The following SOX5 variants were observed in gnomAD, a reference collection of about 807,000 sequenced individuals.
The protein encoded by SOX5 is transcription factor SOX-5.
SOX5 carries 9 observed loss-of-function variants against 92.0 expected under a neutral mutation model. That is an observed-to-expected ratio of 0.10 (90% confidence interval 0.06 to 0.17). SOX5 has a LOEUF of 0.17. Among genes scored for constraint, SOX5 ranks in the 10% least tolerant of loss-of-function variants. SOX5 has a pLI of 1.00. For synonymous variants in SOX5, 344 were observed against 336.3 expected, an observed-to-expected ratio of 1.02 and a Z score of -0.25; for missense variants, 642 against 944.5, an observed-to-expected ratio of 0.68 and a Z score of 4.20.
At chr12:24,161,696 C>T (rs952677134) in intron 4 of SOX5, among the ~76,000 whole-genome samples, 3 of 152,142 alleles carry the variant, frequency 2.0e-5, no homozygotes, top group Admixed American at 6.6e-5. Flanking sequence ...ATTTAAAAGT[C>T]ATGGCTCATA....
At chr12:23,607,942 G>C (rs1344669062) in intron 8 of SOX5, among the ~76,000 whole-genome samples, 1 of 151,612 alleles carries the variant, frequency 6.6e-6, no homozygotes, top group East Asian at 1.9e-4. Flanking sequence ...AAACAAACAG[G>C]TGACACTAAA....
intron 4 of SOX5, among the ~76,000 whole-genome samples, chr12:24,147,276 T>C (rs1208422749): frequency 6.6e-6 from 1 of 152,190 alleles, no homozygotes; most frequent in Non-Finnish European, 1.5e-5. Context: ...AATGCAAGGT[T>C]GTTTTAAAAT....
chr12:24,211,709 G>T (rs1339068444), intron 4 of SOX5, among the ~76,000 whole-genome samples: 1 of 152,206 alleles, frequency 6.6e-6, no homozygotes, highest in Non-Finnish European at 1.5e-5. Context: ...CATAGATTTA[G>T]TTCTGTTACT....
At chr12:24,496,943 G>T (rs1193467215) in intron 1 of SOX5, among the ~76,000 whole-genome samples, 3 of 152,174 alleles carry the variant, frequency 2.0e-5, no homozygotes. Context: ...TTCTACAAGC[G>T]CCACTAAGCA....
intron 1 of SOX5, among the ~76,000 whole-genome samples, chr12:23,926,050 A>G (rs1939840426): frequency 6.6e-6 from 1 of 152,090 alleles, no homozygotes. Flanking sequence ...AGTTATCCAT[A>G]ATCAATTTGA....
chr12:23,809,543 C>A (rs1359364737), intron 3 of SOX5, among the ~76,000 whole-genome samples: 1 of 151,232 alleles, frequency 6.6e-6, no homozygotes, highest in Non-Finnish European at 1.5e-5. Context: ...CATTAATGAT[C>A]TGTTTATATT....
chr12:24,389,713 T>C (rs143008725), intron 1 of SOX5, among the ~76,000 whole-genome samples: 2 of 152,326 alleles, frequency 1.3e-5, no homozygotes, highest in Non-Finnish European at 2.9e-5. Flanking sequence ...TGAACACATG[T>C]TTTCATTTTG....
chr12:23,905,588 G>GA (rs1364113330), intron 1 of SOX5, among the ~76,000 whole-genome samples: 1 of 151,920 alleles, frequency 6.6e-6, no homozygotes, highest in Non-Finnish European at 1.5e-5. Context: ...TAAAACAGAA[G>GA]AAAAAATACT....
intron 4 of SOX5, among the ~76,000 whole-genome samples, chr12:23,968,687 T>A (rs560547607): frequency 1.1e-4 from 16 of 152,346 alleles, no homozygotes; most frequent in Admixed American, 3.9e-4. Context: ...GTCTTGGATA[T>A]TCTGTTACAG....
intron 6 of SOX5, among the ~76,000 whole-genome samples, chr12:23,706,854 C>T (rs1262654723): frequency 2.0e-5 from 3 of 151,706 alleles, no homozygotes; most frequent in African/African-American, 4.8e-5. Flanking sequence ...GCTAATCCAA[C>T]GTTATTATAA....
chr12:23,533,224 T>TATTA lies in SOX5; in HGVS notation c.*991_*994dup, dbSNP rs1565569490. The TATTA allele has an allele frequency of 2.2e-6, 1 of 455,940 alleles. No homozygotes were observed. The highest frequency in any genetic ancestry group is 4.4e-6 in the Non-Finnish European group (1 of 226,426). The allele number at this position is 455,940 out of a possible 1,614,324, so 28.2% of individuals were successfully genotyped here. A position where few individuals can be genotyped will look rare whatever the true frequency, so the allele number is the denominator to read the frequency against. On this transcript the variant is annotated 3_prime_UTR_variant, in exon 15 of 15. Coordinates refer to ENST00000451604, the MANE Select transcript of SOX5 (RefSeq NM_006940.6). The stretch of plus-strand genomic sequence containing the variant: ...ACTCACAATGGTCCAACGTTATTCC[T>TATTA]ATTATTAGTACCATAATCACATACA...
intron 1 of SOX5, among the ~76,000 whole-genome samples, chr12:24,425,742 A>G (rs752909097): frequency 8.5e-5 from 13 of 152,196 alleles, no homozygotes; most frequent in Non-Finnish European, 1.5e-4. Context: ...TTCCTCAGAA[A>G]CTATGCATAG....
At chr12:24,230,237 A>T (rs1329862538) in intron 3 of SOX5, among the ~76,000 whole-genome samples, 15 of 152,108 alleles carry the variant, frequency 9.9e-5, no homozygotes, top group Admixed American at 9.8e-4. Flanking sequence ...AGAAGATGAA[A>T]TGCAGCGCAA....
chr12:23,858,051 G>A (rs2096713606), intron 2 of SOX5, among the ~76,000 whole-genome samples: 2 of 145,134 alleles, frequency 1.4e-5, no homozygotes, highest in Non-Finnish European at 3.0e-5. Flanking sequence ...TTTTTTATTT[G>A]TAATTTAATA....
intron 1 of SOX5, among the ~76,000 whole-genome samples, chr12:23,916,926 G>C (rs2097423428): frequency 6.6e-6 from 1 of 152,020 alleles, no homozygotes; most frequent in Admixed American, 6.6e-5. Flanking sequence ...TTTTATACAT[G>C]GATATTTTGT....
chr12:24,329,765 G>A (rs1190085871), intron 2 of SOX5, among the ~76,000 whole-genome samples: 1 of 152,220 alleles, frequency 6.6e-6, no homozygotes, highest in Non-Finnish European at 1.5e-5. Flanking sequence ...GCTCACACCT[G>A]TAATCCTAGC....
intron 1 of SOX5, among the ~76,000 whole-genome samples, chr12:24,429,633 C>CACAT (rs1014038593): frequency 3.3e-5 from 5 of 151,318 alleles, no homozygotes; most frequent in African/African-American, 1.2e-4. Flanking sequence ...CATACACACA[C>CACAT]ACACACACAC....
intron 3 of SOX5, among the ~76,000 whole-genome samples, chr12:23,767,400 A>G (rs1344626887): frequency 6.6e-6 from 1 of 152,220 alleles, no homozygotes; most frequent in East Asian, 1.9e-4. Flanking sequence ...AAGCAGCCTC[A>G]GAGAAGAATG....
chr12:23,901,291 C>T (rs182669569), intron 1 of SOX5, among the ~76,000 whole-genome samples: 1 of 152,248 alleles, frequency 6.6e-6, no homozygotes, highest in East Asian at 1.9e-4. Context: ...CAGATCCTCT[C>T]CTAGAGCCTC....
Sources: allele counts gnomAD v4.1 joint callset (sites outside exome capture counted in the v4.1 genomes callset), GRCh38; gene constraint gnomAD v4.1.1; transcripts MANE v1.5; gene names NCBI Gene and HGNC (gene_info 2026-07-23, HGNC 2026-07-21).